Variants in TENM4 observed in about 807,000 individuals in gnomAD.
TENM4 encodes the protein teneurin-4.
Under a neutral mutation model 243.3 loss-of-function variants are expected in TENM4, and 82 were observed. That is an observed-to-expected ratio of 0.34 (90% CI 0.28 to 0.40). The LOEUF is 0.40. Ranked by LOEUF, TENM4 falls within the 10% of genes least tolerant of loss-of-function variation. The probability of loss-of-function intolerance (pLI) is 1.00; values close to 1 mark genes in which losing one functional copy is unlikely to be tolerated. For synonymous variants in TENM4, 1,412 were observed against 1,456.3 expected, an observed-to-expected ratio of 0.97 and a Z score of 0.69; for missense variants, 3,138 against 3,673.3, an observed-to-expected ratio of 0.85 and a Z score of 3.77.
intron 4 of TENM4, among the ~76,000 whole-genome samples, chr11:79,135,503 T>C (rs1862089767): frequency 6.6e-6 from 1 of 151,968 alleles, no homozygotes. Flanking sequence ...CTAGTGGGTA[T>C]CTACCCAGAG....
chr11:79,007,543 C>T (rs1371974827), intron 6 of TENM4, among the ~76,000 whole-genome samples: 2 of 152,128 alleles, frequency 1.3e-5, no homozygotes, highest in African/African-American at 4.8e-5. Context: ...CCTGACCCAT[C>T]CTTAGGTCTG....
intron 3 of TENM4, among the ~76,000 whole-genome samples, chr11:79,160,213 C>T (rs1326566266): frequency 6.6e-6 from 1 of 152,114 alleles, no homozygotes; most frequent in Non-Finnish European, 1.5e-5. Context: ...TTTTAACATC[C>T]TGCTTGTTGA....
chr11:78,724,230 A>G (rs1184530249), intron 23 of TENM4, among the ~76,000 whole-genome samples: 3 of 152,112 alleles, frequency 2.0e-5, no homozygotes, highest in African/African-American at 7.2e-5. Flanking sequence ...GACCACAAGC[A>G]TGTGCAACCA....
chr11:79,309,655 C>T (rs1239435033), intron 1 of TENM4, among the ~76,000 whole-genome samples: 1 of 152,184 alleles, frequency 6.6e-6, no homozygotes, highest in Admixed American at 6.5e-5. Flanking sequence ...AAGTCGGCTT[C>T]ATACTGAGTT....
chr11:78,990,608 C>G (rs764729239), intron 6 of TENM4, among the ~76,000 whole-genome samples: 1 of 152,080 alleles, frequency 6.6e-6, no homozygotes, highest in Non-Finnish European at 1.5e-5. Context: ...ATAAAGTATA[C>G]GATTCCATGT....
intron 3 of TENM4, among the ~76,000 whole-genome samples, chr11:79,202,821 C>G (rs1305139420): frequency 6.6e-6 from 1 of 152,068 alleles, no homozygotes; most frequent in Non-Finnish European, 1.5e-5. Flanking sequence ...TTATGAGCAC[C>G]CTAGACAGAA....
chr11:79,361,044 T>C (rs1857579745), intron 1 of TENM4, among the ~76,000 whole-genome samples: 1 of 152,194 alleles, frequency 6.6e-6, no homozygotes, highest in Non-Finnish European at 1.5e-5. Context: ...TGTAGTGAGA[T>C]GATGCTGGTA....
intron 3 of TENM4, among the ~76,000 whole-genome samples, chr11:79,182,038 C>T (rs7928705): frequency 0.079 from 11,917 of 151,612 alleles, 1,007 homozygotes; most frequent in East Asian, 0.41. Context: ...TCTATAGACT[C>T]AATGCAATCC....
chr11:79,107,317 A>G (rs188388187), intron 4 of TENM4, among the ~76,000 whole-genome samples: 2 of 152,202 alleles, frequency 1.3e-5, no homozygotes, highest in East Asian at 3.9e-4. Context: ...AGTGGCATTA[A>G]TAGGAAAAAA....
intron 6 of TENM4, among the ~76,000 whole-genome samples, chr11:79,057,681 G>A (rs949845076): frequency 6.6e-6 from 1 of 152,146 alleles, no homozygotes; most frequent in African/African-American, 2.4e-5. Context: ...GGTCATTGCT[G>A]GAACCCCAGT....
chr11:79,265,181 A>G (rs896344023), intron 2 of TENM4, among the ~76,000 whole-genome samples: 1 of 152,174 alleles, frequency 6.6e-6, no homozygotes, highest in African/African-American at 2.4e-5. Flanking sequence ...GTAATGCATG[A>G]AACTGCATGC....
chr11:79,161,492 G>A (rs1247058756), intron 3 of TENM4, among the ~76,000 whole-genome samples: 1 of 152,196 alleles, frequency 6.6e-6, no homozygotes, highest in East Asian at 1.9e-4. Context: ...TTACCAGACA[G>A]AAAGGACACA....
Position 78,701,932 on chromosome 11 carries a change from G to A in TENM4, c.4681C>T (p.Arg1561Trp), listed in dbSNP as rs375897439. 1.9e-6 allele frequency: 3 copies of A among 1,614,012 alleles called. No homozygotes were observed. Among genetic ancestry groups the A allele is most frequent in the Non-Finnish European group, 2.5e-6 (3 of 1,179,890 alleles). ...YVADLGNIRI[R>W]FIRKNKPFLN... ...AAAGGCTTGTTCTTCCGGATAAACCGAATTCGGATGTTCCCAAGGTCGGCC... is the reference window on the plus strand; with the variant it reads ...AAAGGCTTGTTCTTCCGGATAAACCAAATTCGGATGTTCCCAAGGTCGGCC... The change falls in exon 28 of 34, where the codon CGG (arginine) becomes TGG (tryptophan). Residue 1561 changes from arginine (R) to tryptophan (W), a missense_variant. Transcript: ENST00000278550.
intron 4 of TENM4, among the ~76,000 whole-genome samples, chr11:79,099,420 T>C (rs1320217455): frequency 1.3e-5 from 2 of 152,178 alleles, no homozygotes; most frequent in African/African-American, 4.8e-5. Flanking sequence ...CATGGTGTCC[T>C]CTTTGCCTCT....
chr11:79,287,706 C>T (rs1490989669), intron 2 of TENM4, among the ~76,000 whole-genome samples: 4 of 152,158 alleles, frequency 2.6e-5, no homozygotes, highest in African/African-American at 4.8e-5. Context: ...GATCACATAG[C>T]AAATCTGTAG....
Position 79,191,735 on chromosome 11 carries a change from C to T in TENM4, c.-163+24073G>A, listed in dbSNP as rs532882236. 2.8e-3 allele frequency: 524 copies of T among 188,076 alleles called. 2 individuals carry two copies. The highest frequency in any genetic ancestry group is 0.012 in the African/African-American group (490 of 40,948). The allele number at this position is 188,076 out of a possible 1,614,324, so 11.7% of individuals were successfully genotyped here. On this transcript the variant is annotated intron_variant, in intron 3 of 33. Transcript: ENST00000278550. ...TGAGATGTGGGGAGCGCCTCTGCCC[C>T]GCCGCCCCATCTGGGATGTGAGGAG... is the stretch of plus-strand genomic sequence containing the variant.
At chr11:79,111,470 G>A (rs915062498) in intron 4 of TENM4, among the ~76,000 whole-genome samples, 4 of 152,098 alleles carry the variant, frequency 2.6e-5, no homozygotes, top group South Asian at 2.1e-4. Flanking sequence ...GTGTGAACCC[G>A]GGAGGTGGAG....
chr11:79,247,250 C>T (rs1369410659), intron 2 of TENM4, among the ~76,000 whole-genome samples: 4 of 151,796 alleles, frequency 2.6e-5, no homozygotes, highest in Non-Finnish European at 5.9e-5. Context: ...AACCCCATCT[C>T]TACTAAAAAT....
chr11:78,962,937 T>C (rs1857362082), intron 6 of TENM4, among the ~76,000 whole-genome samples: 1 of 152,252 alleles, frequency 6.6e-6, no homozygotes, highest in Non-Finnish European at 1.5e-5. Context: ...AATGTTTCAT[T>C]TTTCTAAGAA....
Sources: gnomAD v4.1 joint callset for allele counts (sites outside exome capture counted in the v4.1 genomes callset) on GRCh38, gnomAD v4.1.1 for gene constraint, MANE v1.5 for transcripts, NCBI Gene and HGNC (gene_info 2026-07-23, HGNC 2026-07-21) for gene names.